EGFR: variants seen among roughly 807,000 people sequenced by gnomAD.
EGFR encodes the protein avian erythroblastic leukemia viral (v-erb-b) oncogene homolog.
In EGFR, 58 loss-of-function variants were observed where a neutral mutation model predicts 143.0. The ratio of observed to expected loss-of-function variants is 0.41; its 90% CI spans 0.33 to 0.50. The LOEUF is 0.50. EGFR is among the 20% of genes least tolerant of loss of function. EGFR has a pLI of 0.39. For missense variants in EGFR, 1,307 were observed against 1,579.0 expected, an observed-to-expected ratio of 0.83 and a Z score of 2.92; for synonymous variants, 613 against 594.4, an observed-to-expected ratio of 1.03 and a Z score of -0.45.
chr7:55,055,779 A>G (rs1788778582), intron 1 of EGFR, among the ~76,000 whole-genome samples: 1 of 151,328 alleles, frequency 6.6e-6, no homozygotes, highest in South Asian at 2.1e-4. Context: ...CCTGGACTTC[A>G]TCTTGAACTC....
intron 4 of EGFR, among the ~76,000 whole-genome samples, chr7:55,149,143 C>T (rs1214592514): frequency 6.6e-6 from 1 of 151,714 alleles, no homozygotes; most frequent in Non-Finnish European, 1.5e-5. Flanking sequence ...GAAGAAAAGC[C>T]AAAATCTGAC....
intron 1 of EGFR, among the ~76,000 whole-genome samples, chr7:55,081,670 C>T (rs566841789): frequency 6.6e-6 from 1 of 152,066 alleles, no homozygotes; most frequent in Non-Finnish European, 1.5e-5. Flanking sequence ...GAGGGGCCAT[C>T]ACTGCACAAT....
At chr7:55,099,183 A>G (rs1791656294) in intron 1 of EGFR, among the ~76,000 whole-genome samples, 1 of 152,148 alleles carries the variant, frequency 6.6e-6, no homozygotes, top group South Asian at 2.1e-4. Flanking sequence ...CAGTCTCTGG[A>G]ATTAACGGAT....
intron 1 of EGFR, among the ~76,000 whole-genome samples, chr7:55,113,548 C>A (rs900084253): frequency 9.2e-5 from 14 of 152,172 alleles, no homozygotes; most frequent in Non-Finnish European, 1.5e-4. Flanking sequence ...ACCACATTCT[C>A]TTCACATTCC....
chr7:55,053,840 A>T (rs116734443), intron 1 of EGFR, among the ~76,000 whole-genome samples: 2 of 152,178 alleles, frequency 1.3e-5, no homozygotes, highest in Non-Finnish European at 1.5e-5. Context: ...CTGAGCTCAC[A>T]TTCTTTTTTC....
intron 16 of EGFR, among the ~76,000 whole-genome samples, chr7:55,172,053 T>C (rs1786376497): frequency 6.6e-6 from 1 of 152,096 alleles, no homozygotes; most frequent in African/African-American, 2.4e-5. Flanking sequence ...TCCACTCCCA[T>C]CTCTTCAGTG....
rs1788100169 is a variant in EGFR, at chr7:55,206,191, A to G, written c.*574A>G. The G allele has an allele frequency of 4.0e-6, 1 of 250,672 alleles. No individual in the cohort carries two copies. Among genetic ancestry groups the G allele is most frequent in the East Asian group, 5.9e-5 (1 of 16,852 alleles). The allele number at this position is 250,672 out of a possible 1,614,324, so 15.5% of individuals were successfully genotyped here. A position where few individuals can be genotyped will look rare whatever the true frequency, so the allele number is the denominator to read the frequency against. On this transcript the variant is annotated 3_prime_UTR_variant, in exon 28 of 28. Coordinates refer to ENST00000275493, the MANE Select transcript of EGFR (RefSeq NM_005228.5). ...GGCCGGATCGGTACTGTATCAAGTC[A>G]TGGCAGGTACAGTAGGATAAGCCAC... is the stretch of plus-strand genomic sequence containing the variant.
chr7:55,092,974 G>A (rs896197899), intron 1 of EGFR, among the ~76,000 whole-genome samples: 10 of 152,218 alleles, frequency 6.6e-5, no homozygotes, highest in Non-Finnish European at 8.8e-5. Context: ...AAGTCTGAAA[G>A]CCACATGGAC....
At chr7:55,157,591 CTAGAG>C in intron 10 of EGFR, 67 bp from the exon 11 acceptor site, 1 of 1,247,422 alleles carries the variant, frequency 8.0e-7, no homozygotes, top group Non-Finnish European at 1.2e-6. Context: ...CCCTGAGAGT[CTAGAG>C]TAATGTCTCA....
intron 1 of EGFR, among the ~76,000 whole-genome samples, chr7:55,070,221 G>C (rs973968827): frequency 6.6e-6 from 1 of 152,114 alleles, no homozygotes; most frequent in Non-Finnish European, 1.5e-5. Flanking sequence ...TATCTTTTCC[G>C]AGCAATGAAA....
intron 18 of EGFR, 41 bp from the exon 19 acceptor site, chr7:55,174,681 C>T (rs2128954481): frequency 6.5e-7 from 1 of 1,530,476 alleles, no homozygotes; most frequent in Non-Finnish European, 9.1e-7. Context: ...GGCACCATCT[C>T]ACAATTGCCA....
intron 1 of EGFR, among the ~76,000 whole-genome samples, chr7:55,049,313 G>T (rs1788349353): frequency 1.3e-5 from 2 of 152,148 alleles, no homozygotes; most frequent in Non-Finnish European, 2.9e-5. Flanking sequence ...AACTTGAAAT[G>T]ACCGTAATCT....
intron 1 of EGFR, among the ~76,000 whole-genome samples, chr7:55,031,203 C>A (rs549921637): frequency 2.0e-5 from 3 of 152,132 alleles, no homozygotes; most frequent in Non-Finnish European, 2.9e-5. Flanking sequence ...GAGAACACAT[C>A]GATTTTTCAG....
At chr7:55,050,928 C>T (rs922797505) in intron 1 of EGFR, among the ~76,000 whole-genome samples, 3 of 152,224 alleles carry the variant, frequency 2.0e-5, no homozygotes, top group Admixed American at 6.5e-5. Flanking sequence ...CCTCACTGTT[C>T]CTGCAGCACC....
intron 1 of EGFR, among the ~76,000 whole-genome samples, chr7:55,093,902 A>T (rs971041316): frequency 6.6e-6 from 1 of 152,180 alleles, no homozygotes; most frequent in African/African-American, 2.4e-5. Flanking sequence ...CTGGTAGCTC[A>T]GGGAGTGCAG....
chr7:55,157,531 AAAAG>A, intron 10 of EGFR, 128 bp from the exon 11 acceptor site: 1 of 808,678 alleles, frequency 1.2e-6, no homozygotes, highest in East Asian at 2.6e-5. Flanking sequence ...ATGATAATGA[AAAAG>A]AAAGCAAATC....
chr7:55,095,653 C>A (rs1791416598), intron 1 of EGFR, among the ~76,000 whole-genome samples: 1 of 152,052 alleles, frequency 6.6e-6, no homozygotes. Context: ...CAGAGTTACA[C>A]ACAGACATGC....
At chr7:55,050,822 A>C (rs1788445051) in intron 1 of EGFR, among the ~76,000 whole-genome samples, 1 of 152,146 alleles carries the variant, frequency 6.6e-6, no homozygotes, top group South Asian at 2.1e-4. Flanking sequence ...AAAAAATAAA[A>C]AACCCAAAAA....
At chr7:55,202,965 TTG>T in intron 27 of EGFR, 1 of 559,518 alleles carries the variant, frequency 1.8e-6, no homozygotes, top group Non-Finnish European at 3.2e-6. Flanking sequence ...ATGTGTGTGT[TTG>T]TGACAGATTT....
Sources: gnomAD v4.1 joint callset for allele counts (sites outside exome capture counted in the v4.1 genomes callset) on GRCh38, gnomAD v4.1.1 for gene constraint, MANE v1.5 for transcripts, NCBI Gene and HGNC (gene_info 2026-07-23, HGNC 2026-07-21) for gene names.